Variants in NCR1 observed in about 807,000 individuals in gnomAD.
The protein encoded by NCR1 is natural cytotoxicity triggering receptor 1.
Under a neutral mutation model 32.5 loss-of-function variants are expected in NCR1, and 30 were observed. That is an observed-to-expected ratio of 0.92 (90% CI 0.69 to 1.25). The LOEUF (loss-of-function observed/expected upper bound fraction) is 1.25. Among genes scored for constraint, NCR1 ranks in the 50% most tolerant of loss-of-function variants. The pLI, the probability that NCR1 is intolerant of heterozygous loss-of-function variation, is 0.00. For missense variants in NCR1, 369 were observed against 380.7 expected (o/e 0.97, Z 0.26); for synonymous variants, 169 against 143.4 (o/e 1.18, Z -1.28).
At chr19:54,935,171 A>G in the NCR1 span, among the ~76,000 whole-genome samples, 2 of 152,048 alleles carry the variant, frequency 1.3e-5, no homozygotes, top group African/African-American at 2.4e-5. Context: ...AGAGATTGTA[A>G]TACAATTCTG....
the NCR1 span, among the ~76,000 whole-genome samples, chr19:54,931,828 G>T: frequency 7.7e-6 from 1 of 130,430 alleles, no homozygotes; most frequent in Admixed American, 7.8e-5. Flanking sequence ...CCAGCCTGGT[G>T]ACAGAGAGAG....
downstream of NCR1, among the ~76,000 whole-genome samples, chr19:54,916,570 A>C (rs1291792796): frequency 6.6e-6 from 1 of 151,376 alleles, no homozygotes; most frequent in African/African-American, 2.4e-5. Flanking sequence ...TTGGCCTCCC[A>C]AAGTGCTGGG....
At chr19:54,909,652 G>C (rs761139853) in intron 4 of NCR1, 129 bp downstream of exon 4, 4 of 1,131,568 alleles carry the variant, frequency 3.5e-6, no homozygotes, top group Non-Finnish European at 4.9e-6. Context: ...TTGGTCATGT[G>C]AGGAAGAACA....
downstream of NCR1, among the ~76,000 whole-genome samples, chr19:54,920,872 G>A (rs774122496): frequency 6.6e-5 from 10 of 151,796 alleles, no homozygotes; most frequent in Non-Finnish European, 1.2e-4. Flanking sequence ...TTGGGAGGCC[G>A]AGGCGGGTGG....
the NCR1 span, among the ~76,000 whole-genome samples, chr19:54,925,977 G>A: frequency 6.6e-6 from 1 of 151,402 alleles, no homozygotes. Flanking sequence ...TCCAGCCTGG[G>A]CGACAGAGAC....
At chr19:54,909,707 C>T (rs961987652) in intron 4 of NCR1, among the ~76,000 whole-genome samples, 184 bp downstream of exon 4, 2 of 151,964 alleles carry the variant, frequency 1.3e-5, no homozygotes, top group African/African-American at 4.8e-5. Context: ...AATGGTAAGG[C>T]GGGTGGATCA....
chr19:54,932,101 A>T, the NCR1 span, among the ~76,000 whole-genome samples: 1 of 152,158 alleles, frequency 6.6e-6, no homozygotes, highest in Non-Finnish European at 1.5e-5. Context: ...TACACTTCGT[A>T]TAACGATCAG....
In NCR1 at chr19:54,909,147, G is replaced by A. The variant is rs1049583390; in HGVS notation, c.356-98G>A. ...ATCGTGTCACTGCACTCCAGCCTGG[G>A]CGACAGAGAGAGACTCCATCTCTAA... is the stretch of plus-strand genomic sequence containing the variant. On this transcript the variant is annotated intron_variant, in intron 3 of 6. Transcript: ENST00000291890. 2.0e-5 allele frequency: 24 copies of A among 1,226,944 alleles called. No individual in the cohort carries two copies. In the African/African-American group the frequency reaches 3.2e-4, roughly 16 times the overall value. 76.0% of individuals were successfully genotyped at this position (1,226,944 alleles called of 1,614,324 possible).
downstream of NCR1, among the ~76,000 whole-genome samples, chr19:54,918,053 A>G (rs937637017): frequency 6.6e-6 from 1 of 150,442 alleles, no homozygotes; most frequent in Admixed American, 6.6e-5. Context: ...GCCTCCCGGG[A>G]TCACACCATT....
chr19:54,936,553 G>A, the NCR1 span: 53 of 864,698 alleles, frequency 6.1e-5, no homozygotes, highest in Admixed American at 4.6e-4. Flanking sequence ...CGGGTGCAGT[G>A]GCTCGTGTCT....
upstream of NCR1, among the ~76,000 whole-genome samples, chr19:54,905,861 T>C (rs765171190): frequency 4.6e-5 from 7 of 152,176 alleles, no homozygotes; most frequent in Non-Finnish European, 1.0e-4. Context: ...CCTCTGGGCA[T>C]GATTGGGCAC....
downstream of NCR1, among the ~76,000 whole-genome samples, chr19:54,916,807 C>T (rs546018976): frequency 1.3e-3 from 193 of 145,522 alleles, 1 homozygote; most frequent in Non-Finnish European, 2.2e-3. Flanking sequence ...CGGGTTCAAG[C>T]GATTCTCCTG....
the NCR1 span, among the ~76,000 whole-genome samples, chr19:54,922,078 T>C: frequency 6.6e-6 from 1 of 152,024 alleles, no homozygotes; most frequent in Non-Finnish European, 1.5e-5. Flanking sequence ...GTATTTTTAG[T>C]AGAGACGGGG....
At chr19:54,934,776 C>A in the NCR1 span, 1 of 793,296 alleles carries the variant, frequency 1.3e-6, no homozygotes, top group Non-Finnish European at 2.0e-6. The surrounding 1 kb of genome is among the most constrained non-coding windows in gnomAD (Gnocchi z 6.7). Context: ...AAGGCGTGAT[C>A]TCACCTCACT....
chr19:54,908,804 A>G (rs1159289908), intron 3 of NCR1, among the ~76,000 whole-genome samples: 1 of 151,708 alleles, frequency 6.6e-6, no homozygotes, highest in Non-Finnish European at 1.5e-5. Context: ...TAATTTTTGC[A>G]TTTTTAGTAG....
At chr19:54,917,251 G>A (rs899087858), downstream of NCR1, among the ~76,000 whole-genome samples, 13 of 151,284 alleles carry the variant, frequency 8.6e-5, no homozygotes, top group African/African-American at 2.4e-5. Flanking sequence ...GGAGGCAGAG[G>A]TTGCAGTGAG....
downstream of NCR1, chr19:54,915,677 A>G (rs77210222): frequency 0.1 from 15,230 of 151,282 alleles, 1,303 homozygotes; most frequent in East Asian, 0.39. Context: ...TGACTCGCGT[A>G]TTTTTTCTTT....
downstream of NCR1, among the ~76,000 whole-genome samples, chr19:54,921,132 CTTTA>C (rs915720462): frequency 6.6e-6 from 1 of 152,154 alleles, no homozygotes; most frequent in African/African-American, 2.4e-5. Context: ...ATCTTTGTGT[CTTTA>C]TTTTTAGCAA....
upstream of NCR1, among the ~76,000 whole-genome samples, chr19:54,905,939 AT>A (rs1357046555): frequency 6.6e-6 from 1 of 152,152 alleles, no homozygotes; most frequent in Non-Finnish European, 1.5e-5. Flanking sequence ...CCAGAAATGC[AT>A]TTTGGGCTGA....
Sources: allele counts gnomAD v4.1 joint callset (sites outside exome capture counted in the v4.1 genomes callset), GRCh38; gene constraint gnomAD v4.1.1; non-coding constraint Gnocchi (gnomAD v3.1); transcripts MANE v1.5; gene names NCBI Gene and HGNC (gene_info 2026-07-23, HGNC 2026-07-21).